The following ZFAT variants were observed in gnomAD, a reference collection of about 807,000 sequenced individuals.
ZFAT encodes the protein zinc finger and AT-hook domain containing.
A neutral mutation model predicts 117.7 loss-of-function variants in ZFAT; 64 were observed. The ratio of observed to expected loss-of-function variants is 0.54; its 90% confidence interval spans 0.44 to 0.67. The LOEUF is 0.67. Ranked by LOEUF, ZFAT falls within the 30% of genes least tolerant of loss-of-function variation. The pLI is 0.00. For synonymous variants in ZFAT, 679 were observed against 615.0 expected (o/e 1.10, Z -1.54); for missense variants, 1,433 against 1,584.5 (o/e 0.90, Z 1.62).
chr8:134,547,345 T>C (rs1822776179), intron 11 of ZFAT, among the ~76,000 whole-genome samples: 1 of 152,252 alleles, frequency 6.6e-6, no homozygotes, highest in South Asian at 2.1e-4. Flanking sequence ...TTTTCAGTTT[T>C]GCAGATGACT....
At chr8:134,818,704 T>C in the ZFAT span, among the ~76,000 whole-genome samples, 1 of 152,120 alleles carries the variant, frequency 6.6e-6, no homozygotes, top group Non-Finnish European at 1.5e-5. Flanking sequence ...AAATAGATTA[T>C]CAAAAGGTGA....
intron 1 of ZFAT, among the ~76,000 whole-genome samples, chr8:134,660,295 T>A (rs917491698): frequency 3.9e-5 from 6 of 152,238 alleles, no homozygotes; most frequent in African/African-American, 1.2e-4. Context: ...TATGTTTGGC[T>A]ACAGCCCATG....
At chr8:134,667,747 C>G (rs1404541720) in intron 1 of ZFAT, among the ~76,000 whole-genome samples, 1 of 151,980 alleles carries the variant, frequency 6.6e-6, no homozygotes, top group Admixed American at 6.6e-5. Flanking sequence ...CACTGGGGCT[C>G]GTCGGATAGT....
chr8:134,737,314 AT>A, the ZFAT span, among the ~76,000 whole-genome samples: 173 of 54,750 alleles, frequency 3.2e-3, no homozygotes, highest in African/African-American at 0.013. Context: ...AAATAAAAAA[AT>A]AAAAATGTAG....
chr8:134,798,146 A>G, the ZFAT span: 2 of 152,188 alleles, frequency 1.3e-5, no homozygotes, highest in Non-Finnish European at 2.9e-5. Flanking sequence ...GAAATCGATG[A>G]CAAGAGAAAT....
chr8:134,605,378 C>A (rs997865216), intron 5 of ZFAT, among the ~76,000 whole-genome samples: 3 of 152,052 alleles, frequency 2.0e-5, no homozygotes, highest in African/African-American at 7.2e-5. Context: ...AACCCCGTCT[C>A]TACTAAAAAT....
chr8:134,657,472 A>AT, intron 2 of ZFAT, 89 bp downstream of exon 2: 1 of 1,324,512 alleles, frequency 7.5e-7, no homozygotes. Context: ...GGAAATGTGG[A>AT]TTTTCTAGGC....
At chr8:134,657,113 C>G (rs1055339681) in intron 2 of ZFAT, among the ~76,000 whole-genome samples, 6 of 152,164 alleles carry the variant, frequency 3.9e-5, no homozygotes, top group African/African-American at 1.4e-4. Flanking sequence ...TTATCATGTT[C>G]TGTGTGCCAG....
chr8:134,568,688 A>G (rs1259142923), intron 10 of ZFAT, among the ~76,000 whole-genome samples: 1 of 152,256 alleles, frequency 6.6e-6, no homozygotes, highest in Non-Finnish European at 1.5e-5. Flanking sequence ...AGAAGGCAGA[A>G]GCTAAAAGCC....
chr8:134,719,372 A>C, the ZFAT span, among the ~76,000 whole-genome samples: 1 of 152,156 alleles, frequency 6.6e-6, no homozygotes, highest in Non-Finnish European at 1.5e-5. Flanking sequence ...AAATGAGACA[A>C]GAAAATGCAG....
chr8:134,685,223 C>G (rs1586949023), intron 1 of ZFAT, among the ~76,000 whole-genome samples: 1 of 152,300 alleles, frequency 6.6e-6, no homozygotes, highest in South Asian at 2.1e-4. Context: ...GGTTAGTGAG[C>G]TGCCAAAGAG....
At chr8:134,661,369 C>T (rs1831918276) in intron 1 of ZFAT, among the ~76,000 whole-genome samples, 1 of 152,212 alleles carries the variant, frequency 6.6e-6, no homozygotes, top group Non-Finnish European at 1.5e-5. Flanking sequence ...AGCAGTCCAC[C>T]AGCAGAGCAA....
chr8:134,581,315 C>T (rs1825695251), intron 10 of ZFAT, among the ~76,000 whole-genome samples: 1 of 152,112 alleles, frequency 6.6e-6, no homozygotes, highest in Admixed American at 6.5e-5. Context: ...TAATGAAGTA[C>T]AGCAGCCCTG....
intron 1 of ZFAT, among the ~76,000 whole-genome samples, chr8:134,664,651 G>A (rs117609009): frequency 3.7e-4 from 57 of 152,356 alleles, no homozygotes; most frequent in African/African-American, 7.9e-4. Flanking sequence ...AGAGGGCGCC[G>A]GGTCAGGCTG....
chr8:134,551,633 C>G (rs1481998756), intron 11 of ZFAT, among the ~76,000 whole-genome samples: 1 of 152,108 alleles, frequency 6.6e-6, no homozygotes, highest in South Asian at 2.1e-4. Context: ...AAATGTGTGG[C>G]TTCCAAACAA....
At chr8:134,625,094 C>G (rs12680655) in intron 3 of ZFAT, among the ~76,000 whole-genome samples, 63,339 of 152,084 alleles carry the variant, frequency 0.42, 13,622 homozygotes, top group Admixed American at 0.55. Flanking sequence ...TACACCCACA[C>G]TGATTCGAAC....
the ZFAT span, among the ~76,000 whole-genome samples, chr8:134,826,422 G>A: frequency 6.6e-6 from 1 of 152,044 alleles, no homozygotes; most frequent in African/African-American, 2.4e-5. Context: ...TAGTTCCACA[G>A]AAACATGTAA....
At chr8:134,740,526 T>C in the ZFAT span, among the ~76,000 whole-genome samples, 1 of 152,254 alleles carries the variant, frequency 6.6e-6, no homozygotes, top group African/African-American at 2.4e-5. Context: ...GACCACAGTT[T>C]AGAACACCTA....
chr8:134,807,635 G>A, the ZFAT span, among the ~76,000 whole-genome samples: 1 of 151,360 alleles, frequency 6.6e-6, no homozygotes, highest in African/African-American at 2.4e-5. Context: ...TGGTGACAGG[G>A]AGAAAACACT....
Sources: gnomAD v4.1 joint callset for allele counts (sites outside exome capture counted in the v4.1 genomes callset) on GRCh38, gnomAD v4.1.1 for gene constraint, MANE v1.5 for transcripts, NCBI Gene and HGNC (gene_info 2026-07-23, HGNC 2026-07-21) for gene names.